The following GNB4 variants were observed in gnomAD, a reference collection of about 807,000 sequenced individuals.
GNB4 encodes G protein subunit beta 4, also known as guanine nucleotide-binding protein subunit beta-4.
A neutral mutation model predicts 45.2 loss-of-function variants in GNB4; 28 were observed. The observed-to-expected ratio is 0.62, with a 90% CI of 0.46 to 0.85. The LOEUF (loss-of-function observed/expected upper bound fraction) is 0.85. Ranked by LOEUF, GNB4 falls within the 40% of genes least tolerant of loss-of-function variation. The pLI is 0.00. For missense variants in GNB4, 321 were observed against 425.4 expected (o/e 0.75, Z 2.16); for synonymous variants, 132 against 143.7 (o/e 0.92, Z 0.58).
In GNB4 at chr3:179,401,209, ACTG is replaced by A; in HGVS notation, c.*1_*3del. On this transcript the variant is annotated 3_prime_UTR_variant, in exon 10 of 10. Transcript: ENST00000232564. ...TCAATGGAGAACAAATATGTATGAC[ACTG>A]TTAATTCCAGATTCTAAGAAAACTG... 2 of 1,596,678 alleles carry A rather than the reference ACTG, an allele frequency of 1.3e-6. No homozygotes were observed. Among genetic ancestry groups the A allele is most frequent in the South Asian group, 2.2e-5 (2 of 90,460 alleles).
chr3:179,414,249 CAGA>C (rs757914225), intron 6 of GNB4, among the ~76,000 whole-genome samples: 4 of 151,848 alleles, frequency 2.6e-5, no homozygotes, highest in Non-Finnish European at 5.9e-5. Context: ...TGTAAGAAAT[CAGA>C]AGAACAACAG....
At chr3:179,403,691 G>A (rs992605252) in intron 9 of GNB4, among the ~76,000 whole-genome samples, 39 of 151,834 alleles carry the variant, frequency 2.6e-4, no homozygotes, top group African/African-American at 8.2e-4. Context: ...TAGTCTACTC[G>A]GGAGGCTGAG....
chr3:179,413,324 T>C, intron 8 of GNB4, 88 bp downstream of exon 8: 1 of 1,004,234 alleles, frequency 1.0e-6, no homozygotes, highest in Non-Finnish European at 1.6e-6. Flanking sequence ...GTAAGAATCC[T>C]TGAAGGCAAT....
chr3:179,396,980 G>T lies in GNB4; in HGVS notation c.*4233C>A, dbSNP rs187901399. ...ATAAGAAAGATGGTCCAACCTGTGGGTATTTTTAAAAATTCTAACAGGAGA... is the reference window on the plus strand; with the variant it reads ...ATAAGAAAGATGGTCCAACCTGTGGTTATTTTTAAAAATTCTAACAGGAGA... On this transcript the variant is annotated 3_prime_UTR_variant, in exon 10 of 10. Coordinates refer to ENST00000232564, the MANE Select transcript of GNB4 (RefSeq NM_021629.4). The T allele has an allele frequency of 1.3e-5, 2 of 152,206 alleles. No homozygotes were observed. The highest frequency in any genetic ancestry group is 6.5e-5 in the Admixed American group (1 of 15,280). The allele number at this position is 152,206 out of a possible 1,614,324, so 9.4% of individuals were successfully genotyped here. A position where few individuals can be genotyped will look rare whatever the true frequency, so the allele number is the denominator to read the frequency against.
At chr3:179,474,737 C>CCTTT in the GNB4 span, among the ~76,000 whole-genome samples, 2 of 59,726 alleles carry the variant, frequency 3.3e-5, no homozygotes, top group Non-Finnish European at 5.5e-5. Context: ...AGACTGGGTC[C>CCTTT]TTTTTTTTTT....
the GNB4 span, chr3:179,465,325 C>T: frequency 9.7e-5 from 128 of 1,320,924 alleles, no homozygotes; most frequent in Middle Eastern, 4.1e-4. Flanking sequence ...CCATTATGGC[C>T]GGGCGCGGTG....
chr3:179,500,636 T>C, the GNB4 span, among the ~76,000 whole-genome samples: 4 of 152,208 alleles, frequency 2.6e-5, no homozygotes, highest in Non-Finnish European at 5.9e-5. Flanking sequence ...AAGGATAGCT[T>C]GATGGGGATA....
At chr3:179,405,703 C>T (rs1312432887) in intron 8 of GNB4, 2 of 267,540 alleles carry the variant, frequency 7.5e-6, no homozygotes, top group African/African-American at 4.4e-5. Flanking sequence ...AAAGCAAGTA[C>T]TAATATTTAT....
intron 1 of GNB4, among the ~76,000 whole-genome samples, chr3:179,429,344 G>GA (rs1032112200): frequency 2.8e-4 from 42 of 152,052 alleles, no homozygotes; most frequent in African/African-American, 9.9e-4. Flanking sequence ...GGAACACCGG[G>GA]AATCAACACA....
the GNB4 span, among the ~76,000 whole-genome samples, chr3:179,522,975 G>A: frequency 6.6e-6 from 1 of 150,664 alleles, no homozygotes; most frequent in African/African-American, 2.5e-5. Context: ...TAGCTTTTAG[G>A]GCTGTTTTTA....
At chr3:179,402,563 G>A (rs753605425) in intron 9 of GNB4, among the ~76,000 whole-genome samples, 9 of 152,140 alleles carry the variant, frequency 5.9e-5, no homozygotes, top group East Asian at 3.8e-4. Context: ...ACTGCATAGC[G>A]GGGGTTAAAA....
chr3:179,494,856 C>T, the GNB4 span, among the ~76,000 whole-genome samples: 4 of 134,404 alleles, frequency 3.0e-5, no homozygotes, highest in Non-Finnish European at 4.6e-5. Context: ...TGCAGTGAGC[C>T]GAGATTGCGC....
chr3:179,495,313 C>A, the GNB4 span, among the ~76,000 whole-genome samples: 1 of 151,324 alleles, frequency 6.6e-6, no homozygotes, highest in African/African-American at 2.4e-5. Context: ...CCAACTCTAC[C>A]AAAAATACAA....
intron 9 of GNB4, among the ~76,000 whole-genome samples, chr3:179,403,080 T>A (rs1714351822): frequency 6.6e-6 from 1 of 152,086 alleles, no homozygotes; most frequent in Admixed American, 6.5e-5. Flanking sequence ...ATACACTTCA[T>A]GGAGGAAAGT....
At chr3:179,523,990 T>G in the GNB4 span, among the ~76,000 whole-genome samples, 11 of 152,134 alleles carry the variant, frequency 7.2e-5, no homozygotes, top group Non-Finnish European at 4.4e-5. Context: ...TGGGGAGTTT[T>G]AAGAGGTTTA....
At chr3:179,445,381 CTCAA>C (rs776296139) in intron 1 of GNB4, among the ~76,000 whole-genome samples, 14 of 152,066 alleles carry the variant, frequency 9.2e-5, no homozygotes, top group Non-Finnish European at 1.0e-4. Context: ...GCCTCTTGCG[CTCAA>C]TCAATCTTCC....
At chr3:179,459,710 A>G in the GNB4 span, among the ~76,000 whole-genome samples, 1 of 149,232 alleles carries the variant, frequency 6.7e-6, no homozygotes, top group African/African-American at 2.5e-5. Context: ...AAAAAGCAAG[A>G]AAAAAAAAAG....
chr3:179,460,881 C>T, the GNB4 span, among the ~76,000 whole-genome samples: 1 of 152,094 alleles, frequency 6.6e-6, no homozygotes, highest in African/African-American at 2.4e-5. Flanking sequence ...GGCTCCAAGA[C>T]AACACTTCAT....
the GNB4 span, among the ~76,000 whole-genome samples, chr3:179,497,092 T>C: frequency 2.6e-5 from 4 of 152,132 alleles, no homozygotes; most frequent in Admixed American, 2.6e-4. Flanking sequence ...TATTTTAGAT[T>C]GATTTCAAAT....
Sources: allele counts gnomAD v4.1 joint callset (sites outside exome capture counted in the v4.1 genomes callset), GRCh38; gene constraint gnomAD v4.1.1; transcripts MANE v1.5; gene names NCBI Gene and HGNC (gene_info 2026-07-23, HGNC 2026-07-21).